Variants in C3orf49 observed in about 807,000 individuals in gnomAD.
C3orf49 encodes the protein putative uncharacterized protein C3orf49.
A neutral mutation model predicts 13.3 loss-of-function variants in C3orf49; 27 were observed. The ratio of observed to expected loss-of-function variants is 2.02; its 90% CI spans 1.49 to 2.79. The LOEUF is 2.79. Among genes scored for constraint, C3orf49 ranks in the 30% most tolerant of loss-of-function variants. The pLI, the probability that C3orf49 is intolerant of heterozygous loss-of-function variation, is 0.00. For missense variants in C3orf49, 242 were observed against 134.2 expected, an observed-to-expected ratio of 1.80 and a Z score of -3.97; for synonymous variants, 87 against 47.6, an observed-to-expected ratio of 1.83 and a Z score of -3.40.
the C3orf49 span, among the ~76,000 whole-genome samples, chr3:63,798,669 C>A: frequency 6.6e-6 from 1 of 152,022 alleles, no homozygotes; most frequent in Non-Finnish European, 1.5e-5. Context: ...ATATTGTAAC[C>A]CAGTCATGAG....
the C3orf49 span, among the ~76,000 whole-genome samples, chr3:63,807,857 C>CAAAAAAAAAAAAA: frequency 1.2e-4 from 4 of 32,206 alleles, no homozygotes; most frequent in African/African-American, 1.7e-4. Context: ...AACTTCATCT[C>CAAAAAAAAAAAAA]AAAAAAAAAA....
intron 3 of C3orf49, 33 bp from the exon 4 acceptor site, chr3:63,831,077 C>T (rs1019962465): frequency 5.8e-6 from 4 of 690,830 alleles, no homozygotes; most frequent in African/African-American, 5.3e-5. Flanking sequence ...GTTGGTAGTT[C>T]CTAATCTGAT....
the C3orf49 span, among the ~76,000 whole-genome samples, chr3:63,786,873 T>A: frequency 6.6e-6 from 1 of 152,202 alleles, no homozygotes; most frequent in African/African-American, 2.4e-5. Flanking sequence ...ATTTTATCCC[T>A]AAGATAAACT....
At chr3:63,784,506 A>C in the C3orf49 span, among the ~76,000 whole-genome samples, 2 of 152,068 alleles carry the variant, frequency 1.3e-5, no homozygotes, top group Non-Finnish European at 2.9e-5. Context: ...TCTACTAAAA[A>C]AATATATAAA....
the C3orf49 span, among the ~76,000 whole-genome samples, chr3:63,813,890 T>C: frequency 6.6e-6 from 1 of 152,228 alleles, no homozygotes; most frequent in African/African-American, 2.4e-5. Context: ...GTGAGGACTC[T>C]TCAGGAAACT....
intron 6 of C3orf49, among the ~76,000 whole-genome samples, chr3:63,847,352 GTTAA>G (rs1250903364): frequency 6.6e-6 from 1 of 152,168 alleles, no homozygotes; most frequent in Non-Finnish European, 1.5e-5. Context: ...GTTGTCCACA[GTTAA>G]TTGTTTTGGT....
At chr3:63,820,148 C>T (rs879674737) in intron 1 of C3orf49, among the ~76,000 whole-genome samples, 1 of 152,208 alleles carries the variant, frequency 6.6e-6, no homozygotes, top group South Asian at 2.1e-4. Flanking sequence ...TTTGGAAAGT[C>T]AGTGTGGTGA....
the C3orf49 span, among the ~76,000 whole-genome samples, chr3:63,811,670 C>T: frequency 6.6e-6 from 1 of 151,874 alleles, no homozygotes; most frequent in Admixed American, 6.5e-5. Context: ...TCACCTGCGC[C>T]TCAGTTCAAC....
the C3orf49 span, among the ~76,000 whole-genome samples, chr3:63,781,654 A>T: frequency 6.6e-6 from 1 of 152,134 alleles, no homozygotes; most frequent in Non-Finnish European, 1.5e-5. Flanking sequence ...AAACTTGTTT[A>T]AAAAGGAAAG....
chr3:63,783,676 C>T, the C3orf49 span, among the ~76,000 whole-genome samples: 9 of 151,650 alleles, frequency 5.9e-5, no homozygotes, highest in South Asian at 1.3e-3. Context: ...CGAGACTGTG[C>T]CACTACACTC....
chr3:63,807,294 T>C, the C3orf49 span, among the ~76,000 whole-genome samples: 1 of 152,138 alleles, frequency 6.6e-6, no homozygotes, highest in Non-Finnish European at 1.5e-5. Flanking sequence ...ATATTAATGA[T>C]CATTTGTAGG....
chr3:63,838,099 A>C, intron 5 of C3orf49: 2 of 1,516,500 alleles, frequency 1.3e-6, no homozygotes, highest in Non-Finnish European at 1.8e-6. Context: ...AGTTGTAACA[A>C]AATCAATAAT....
chr3:63,806,041 C>G, the C3orf49 span, among the ~76,000 whole-genome samples: 4 of 152,196 alleles, frequency 2.6e-5, no homozygotes, highest in South Asian at 2.1e-4. Flanking sequence ...AATACTACTT[C>G]TACAACTCTG....
At chr3:63,782,366 A>G in the C3orf49 span, 4 of 152,214 alleles carry the variant, frequency 2.6e-5, no homozygotes, top group Non-Finnish European at 5.9e-5. Context: ...TTAATAATGA[A>G]TTTGCAAAAC....
intron 1 of C3orf49, among the ~76,000 whole-genome samples, chr3:63,819,811 C>T (rs552110418): frequency 2.1e-4 from 32 of 152,134 alleles, no homozygotes; most frequent in African/African-American, 3.1e-4. Context: ...CCTTTCCACT[C>T]GAAATTAAGT....
At chr3:63,790,598 CTTT>C in the C3orf49 span, among the ~76,000 whole-genome samples, 26,447 of 137,706 alleles carry the variant, frequency 0.19, 2,718 homozygotes, top group Non-Finnish European at 0.25. Flanking sequence ...ACATCTACCT[CTTT>C]TTTTTTTTTT....
At chr3:63,815,492 A>C (rs1240873129), upstream of C3orf49, among the ~76,000 whole-genome samples, 4 of 152,064 alleles carry the variant, frequency 2.6e-5, no homozygotes. Flanking sequence ...TGCCTTCCCC[A>C]TGTCACCTAT....
intron 5 of C3orf49, among the ~76,000 whole-genome samples, chr3:63,833,047 C>T (rs1453055926): frequency 4.0e-5 from 6 of 151,600 alleles, no homozygotes; most frequent in East Asian, 1.9e-4. Context: ...CAAGTGATTC[C>T]GCCTTAGCTT....
chr3:63,828,226 C>A (rs181919373), intron 3 of C3orf49, among the ~76,000 whole-genome samples: 1 of 152,312 alleles, frequency 6.6e-6, no homozygotes, highest in African/African-American at 2.4e-5. Flanking sequence ...ACAACACAGA[C>A]AGTGCAGCGT....
Sources: allele counts gnomAD v4.1 joint callset (sites outside exome capture counted in the v4.1 genomes callset), GRCh38; gene constraint gnomAD v4.1.1; transcripts MANE v1.5; gene names NCBI Gene and HGNC (gene_info 2026-07-23, HGNC 2026-07-21).